GPC3: variants seen among roughly 807,000 people sequenced by gnomAD.
GPC3 encodes the protein glypican 3, also known as glypican-3.
Under a neutral mutation model 34.4 loss-of-function variants are expected in GPC3, and 3 were observed. The ratio of observed to expected loss-of-function variants is 0.09; its 90% CI spans 0.04 to 0.23. The LOEUF is 0.23. GPC3 is among the 10% of genes least tolerant of loss of function. The probability of loss-of-function intolerance (pLI) is 1.00; values close to 1 mark genes in which losing one functional copy is unlikely to be tolerated. For synonymous variants in GPC3, 177 were observed against 174.0 expected (o/e 1.02, Z -0.13); for missense variants, 351 against 445.6 (o/e 0.79, Z 1.91).
In GPC3 at chrX:133,556,091, G is replaced by A. The variant is rs148106098; in HGVS notation, c.1574-19798C>T. Among the ~76,000 whole-genome samples, 10 of 111,510 alleles carry A rather than the reference G, an allele frequency of 9.0e-5. No homozygotes were observed. The East Asian group carries it at 1.7e-3, about 19-fold the overall frequency. ...TCTTTCAATTACCATTGTTTGCTACGGCTTAGATTATGTTCTTATAATTTC... is the reference window on the plus strand; with the variant it reads ...TCTTTCAATTACCATTGTTTGCTACAGCTTAGATTATGTTCTTATAATTTC... On this transcript the variant is annotated intron_variant, in intron 7 of 7. Coordinates refer to ENST00000370818, the MANE Select transcript of GPC3 (RefSeq NM_004484.4).
intron 6 of GPC3, among the ~76,000 whole-genome samples, chrX:133,649,791 A>T (rs1292008308): frequency 1.8e-5 from 2 of 111,679 alleles, no homozygotes; most frequent in Non-Finnish European, 3.8e-5. Context: ...CCAGGCAGGC[A>T]CAAAGGCTCA....
At chrX:133,579,841 T>C (rs1473090911) in intron 7 of GPC3, among the ~76,000 whole-genome samples, 1 of 111,931 alleles carries the variant, frequency 8.9e-6, no homozygotes, top group Admixed American at 9.5e-5. Context: ...CAGCCTGAAC[T>C]GAGTTTTAAA....
rs187783422 is a variant in GPC3 at position 133,628,663 on chromosome X, A to C, written c.1414-32064T>G. On this transcript the variant is annotated intron_variant, in intron 6 of 7. Coordinates refer to ENST00000370818, the MANE Select transcript of GPC3 (RefSeq NM_004484.4). Reference sequence around the variant, plus strand: ...AGAGCAAGACTCTGTCTCAAAAAAAAAAAAAAAGATATGTGGCCTCAAATA... The same window carrying C: ...AGAGCAAGACTCTGTCTCAAAAAAACAAAAAAAGATATGTGGCCTCAAATA... Among the ~76,000 whole-genome samples, 955 of 110,764 alleles carry C rather than the reference A, an allele frequency of 8.6e-3. 8 individuals carry two copies. The highest frequency in any genetic ancestry group is 0.014 in the Non-Finnish European group (755 of 52,918).
chrX:133,711,619 G>A (rs115419591), intron 3 of GPC3, among the ~76,000 whole-genome samples: 2,396 of 111,467 alleles, frequency 0.021, 69 homozygotes, highest in African/African-American at 0.073. Flanking sequence ...GAGACCTCTC[G>A]GGAGGTCCTA....
At chrX:133,861,539 G>C (rs186017455) in intron 2 of GPC3, among the ~76,000 whole-genome samples, 1 of 111,363 alleles carries the variant, frequency 9.0e-6, no homozygotes, top group African/African-American at 3.3e-5. Context: ...TGAAGGGTTT[G>C]GAAAGCCCAA....
intron 2 of GPC3, among the ~76,000 whole-genome samples, chrX:133,791,797 TTTCCTTCCTTCCTTCC>T (rs199692354): frequency 0.54 from 43,043 of 80,063 alleles, 11,562 homozygotes; most frequent in Non-Finnish European, 0.69. Flanking sequence ...TCCTTTTTCT[TTTCCTTCCTTCCTTCC>T]TTCCTTCCTT....
chrX:133,631,928 C>A (rs114243951), intron 6 of GPC3, among the ~76,000 whole-genome samples: 6,551 of 107,973 alleles, frequency 0.061, 534 homozygotes, highest in African/African-American at 0.21. Flanking sequence ...AAAAAAAAAA[C>A]AAACTCAAAC....
Position 133,645,496 on chromosome X carries a change from T to C in GPC3, c.1413+16234A>G, listed in dbSNP as rs180827820. Among the ~76,000 whole-genome samples the C allele has an allele frequency of 3.6e-5, 4 of 112,367 alleles. No homozygotes were observed. In the East Asian group the frequency reaches 8.4e-4, roughly 24 times the overall value. ...GAAGGAGATCAGTTGCATTACAACA[T>C]AACTTGCAATTCCTTTCCAAACTTC... On this transcript the variant is annotated intron_variant, in intron 6 of 7. Coordinates refer to ENST00000370818, the MANE Select transcript of GPC3 (RefSeq NM_004484.4).
intron 2 of GPC3, among the ~76,000 whole-genome samples, chrX:133,866,686 A>G (rs1369072509): frequency 8.9e-6 from 1 of 111,876 alleles, no homozygotes; most frequent in Non-Finnish European, 1.9e-5. Context: ...ATGCTTCTTT[A>G]AGAAAAAACT....
intron 2 of GPC3, among the ~76,000 whole-genome samples, chrX:133,875,040 A>G (rs1244431127): frequency 1.8e-5 from 2 of 112,363 alleles, no homozygotes; most frequent in African/African-American, 6.5e-5. Context: ...TGAAGGGCTC[A>G]TACATGAGAT....
intron 7 of GPC3, among the ~76,000 whole-genome samples, chrX:133,590,704 C>T (rs914910326): frequency 1.8e-5 from 2 of 111,433 alleles, no homozygotes; most frequent in Non-Finnish European, 3.8e-5. Flanking sequence ...TGGTAAGAAG[C>T]CCAGCTTGCC....
rs180916778 is a variant in GPC3 at position 133,679,717 on chromosome X, C to T, written c.1292+12652G>A. Reference sequence around the variant, plus strand: ...TCACCCAGGTTAGAGTGCAGTGGTGCGATCATAGCTCACTGCAGCCTCGAC... The same window carrying T: ...TCACCCAGGTTAGAGTGCAGTGGTGTGATCATAGCTCACTGCAGCCTCGAC... On this transcript the variant is annotated intron_variant, in intron 5 of 7. Coordinates refer to ENST00000370818, the MANE Select transcript of GPC3 (RefSeq NM_004484.4). Among the ~76,000 whole-genome samples, 5 of 110,940 alleles carry T rather than the reference C, an allele frequency of 4.5e-5. No homozygotes were observed. The East Asian group carries it at 1.1e-3, about 25-fold the overall frequency.
At chrX:133,659,597 C>T (rs143288993) in intron 6 of GPC3, among the ~76,000 whole-genome samples, 1,505 of 111,706 alleles carry the variant, frequency 0.013, 37 homozygotes, top group African/African-American at 0.047. Flanking sequence ...TTTATTTAAC[C>T]ACTTCTTATG....
chrX:133,559,192 A>G (rs887454280), intron 7 of GPC3, among the ~76,000 whole-genome samples: 2 of 110,723 alleles, frequency 1.8e-5, no homozygotes, highest in Non-Finnish European at 3.8e-5. Flanking sequence ...GGCGTGAGCC[A>G]CCATGTCCAG....
intron 2 of GPC3, among the ~76,000 whole-genome samples, chrX:133,850,194 G>GTT (rs749809263): frequency 0.013 from 894 of 67,940 alleles, 38 homozygotes; most frequent in African/African-American, 0.041. Flanking sequence ...TTTGGGTTTT[G>GTT]TTTTTTTTTT....
intron 3 of GPC3, among the ~76,000 whole-genome samples, chrX:133,728,308 G>A (rs1271999476): frequency 9.0e-6 from 1 of 111,051 alleles, no homozygotes; most frequent in Non-Finnish European, 1.9e-5. Context: ...ATTGCAATCT[G>A]CTCTTACCAG....
At chrX:133,551,374 C>A (rs1486742721) in intron 7 of GPC3, among the ~76,000 whole-genome samples, 1 of 112,218 alleles carries the variant, frequency 8.9e-6, no homozygotes, top group Non-Finnish European at 1.9e-5. Flanking sequence ...CAGGAAAATA[C>A]AATTATGTGC....
intron 7 of GPC3, among the ~76,000 whole-genome samples, chrX:133,588,592 C>G (rs996960217): frequency 9.0e-6 from 1 of 110,954 alleles, no homozygotes; most frequent in Non-Finnish European, 1.9e-5. Flanking sequence ...GACTACCAGC[C>G]TACGTTTATG....
chrX:133,624,358 A>G (rs2070272679), intron 6 of GPC3, among the ~76,000 whole-genome samples: 1 of 111,757 alleles, frequency 8.9e-6, no homozygotes. Context: ...CAAAAAATCA[A>G]TGAATCCAAG....
Sources: gnomAD v4.1 joint callset for allele counts (sites outside exome capture counted in the v4.1 genomes callset) on GRCh38, gnomAD v4.1.1 for gene constraint, MANE v1.5 for transcripts, NCBI Gene and HGNC (gene_info 2026-07-23, HGNC 2026-07-21) for gene names.